NT5C3B: variants seen among roughly 807,000 people sequenced by gnomAD.
NT5C3B encodes 7-methylguanosine phosphate-specific 5'-nucleotidase.
NT5C3B carries 28 observed loss-of-function variants against 32.5 expected under a neutral mutation model. The observed-to-expected ratio is 0.86, with a 90% CI of 0.64 to 1.18. NT5C3B has a LOEUF of 1.18. NT5C3B is among the 50% of genes most tolerant of loss of function. NT5C3B has a pLI of 0.00. For missense variants in NT5C3B, 317 were observed against 322.0 expected (o/e 0.98, Z 0.12); for synonymous variants, 138 against 118.0 (o/e 1.17, Z -1.10).
chr17:41,834,977 A>G, intron 4 of NT5C3B, 93 bp downstream of exon 4: 1 of 1,242,086 alleles, frequency 8.1e-7, no homozygotes. Flanking sequence ...TTAATTTTCT[A>G]AGGTCTCTAT....
chr17:41,834,391 A>ACAC (rs1567863767), intron 4 of NT5C3B, among the ~76,000 whole-genome samples: 3 of 39,212 alleles, frequency 7.7e-5, no homozygotes, highest in African/African-American at 1.7e-4. Context: ...CAAAAAAAAA[A>ACAC]ATACACACAC....
rs782427515 is a variant in NT5C3B, at chr17:41,830,801, C to T, written c.404G>A (p.Arg135Lys). The T allele has an allele frequency of 6.3e-7, 1 of 1,589,170 alleles. No homozygotes were observed. Residue 135 changes from arginine to lysine, a missense_variant and splice_region_variant, in exon 6 of 9, where the codon AGG (arginine) becomes AAG (lysine). Arg to Lys is a conservative substitution (Grantham distance 26). Coordinates refer to ENST00000435506, the MANE Select transcript of NT5C3B (RefSeq NM_052935.5). The part of the protein sequence containing the change: ...QVVRESNAML[R>K]EGYKTFFNTL... ...ATGTTTTCCAGAGCAAGACGCTTAC[C>T]TGAGCATTGCATTGGACTCTCTAAC...
Position 41,834,936 on chromosome 17 carries a change from C to A in NT5C3B, c.228+134G>T, listed in dbSNP as rs532379680. On this transcript the variant is annotated intron_variant, in intron 4 of 8. Coordinates refer to ENST00000435506, the MANE Select transcript of NT5C3B (RefSeq NM_052935.5). ...CTGTCTTAATGTATTAAAACTAGACCCTCCTTAGCAAAACAACAAGTTTTT... is the reference window on the plus strand; with the variant it reads ...CTGTCTTAATGTATTAAAACTAGACACTCCTTAGCAAAACAACAAGTTTTT... 6 of 824,240 alleles carry A rather than the reference C, an allele frequency of 7.3e-6. No individual in the cohort carries two copies. The East Asian group carries it at 7.6e-5, about 10-fold the overall frequency. The allele number at this position is 824,240 out of a possible 1,614,324, so 51.1% of individuals were successfully genotyped here.
At position 41,835,187 on chromosome 17, in the gene NT5C3B, C is replaced by T. The variant is rs1555619671; in HGVS notation, c.181+16G>A. The T allele has an allele frequency of 6.2e-7, 1 of 1,613,794 alleles. No homozygotes were observed. The highest frequency in any genetic ancestry group is 1.1e-5 in the South Asian group (1 of 91,076). ...GTCTTGTCAAGCTCAACAAGGGAAG[C>T]TAGAATGTGACTTACTGTAAGAAGA... On this transcript the variant is annotated intron_variant, in intron 3 of 8. Coordinates refer to ENST00000435506, the MANE Select transcript of NT5C3B (RefSeq NM_052935.5).
At position 41,828,859 on chromosome 17, in the gene NT5C3B, A is replaced by T. The variant is rs1555618615; in HGVS notation, c.498T>A (p.Ile166=). 1.2e-6 allele frequency: 2 copies of T among 1,614,012 alleles called. No homozygotes were observed. The highest frequency in any genetic ancestry group is 1.7e-6 in the Non-Finnish European group (2 of 1,179,874). The stretch of plus-strand genomic sequence containing the variant: ...GGTGGAACACTTTCATCTGTCGGAT[A>T]ATTTCTTCCAGGATATCACCAATGC... The part of the protein sequence containing the change: ...SAGIGDILEE[I]IRQMKVFHPN... The change falls in exon 7 of 9, where the codon ATT becomes ATA. Residue 166 remains isoleucine (I), a synonymous_variant. Transcript: ENST00000435506.
chr17:41,829,017 G>C (rs1555618672), intron 6 of NT5C3B, 65 bp from the exon 7 acceptor site: 2 of 1,501,222 alleles, frequency 1.3e-6, no homozygotes, highest in African/African-American at 1.4e-5. Flanking sequence ...TTTCCTATTT[G>C]GGTTGTTTTT....
intron 4 of NT5C3B, among the ~76,000 whole-genome samples, chr17:41,833,319 C>A (rs1490187590): frequency 6.7e-6 from 1 of 148,460 alleles, no homozygotes; most frequent in Non-Finnish European, 1.5e-5. Context: ...TTTTCATGTA[C>A]AATTTTTTTT....
chr17:41,829,126 A>T (rs1555618696), intron 6 of NT5C3B, among the ~76,000 whole-genome samples, 174 bp from the exon 7 acceptor site: 1 of 151,880 alleles, frequency 6.6e-6, no homozygotes. Flanking sequence ...AGTTCAAGTG[A>T]TCCACCCGCC....
At chr17:41,834,871 C>T (rs1189777572) in intron 4 of NT5C3B, among the ~76,000 whole-genome samples, 199 bp downstream of exon 4, 1 of 152,232 alleles carries the variant, frequency 6.6e-6, no homozygotes, top group Non-Finnish European at 1.5e-5. Flanking sequence ...TGTCCAGTTC[C>T]AACCATTAAT....
Position 41,827,571 on chromosome 17 carries a change from G to C in NT5C3B, c.623C>G (p.Ser208Cys), listed in dbSNP as rs782816475. ...QLIHTYNKNS[S>C]ACENSGYFQQ... Reference sequence around the variant, plus strand: ...GAAGTAACCAGAGTTCTCACACGCAGAGCTGTTCTTGTTGTATGTGTGTAT... The same window carrying C: ...GAAGTAACCAGAGTTCTCACACGCACAGCTGTTCTTGTTGTATGTGTGTAT... The change falls in exon 8 of 9, where the codon TCT becomes TGT. Residue 208 changes from serine to cysteine, a missense_variant. Ser to Cys is a moderately radical substitution (Grantham distance 112). Transcript: ENST00000435506. 3.5e-6 allele frequency: 3 copies of C among 868,638 alleles called. No homozygotes were observed. The highest frequency in any genetic ancestry group is 1.3e-5 in the South Asian group (1 of 76,418). The allele number at this position is 868,638 out of a possible 1,614,324, so 53.8% of individuals were successfully genotyped here.
Position 41,836,206 on chromosome 17 carries a change from C to T in NT5C3B, c.-13G>A. ...CCTCCTCTGCCATCCCGTTCGAGGC[C>T]TGGTCGGCGGCTCGCGGGACAACGA... On this transcript the variant is annotated 5_prime_UTR_variant, in exon 1 of 9. Transcript: ENST00000435506. 3 of 1,244,334 alleles carry T rather than the reference C, an allele frequency of 2.4e-6. No homozygotes were observed. The highest frequency in any genetic ancestry group is 3.0e-6 in the Non-Finnish European group (3 of 996,202). The allele number at this position is 1,244,334 out of a possible 1,614,324, so 77.1% of individuals were successfully genotyped here. A position where few individuals can be genotyped will look rare whatever the true frequency, so the allele number is the denominator to read the frequency against.
chr17:41,833,058 A>G (rs1185898781), intron 4 of NT5C3B, among the ~76,000 whole-genome samples: 3 of 152,208 alleles, frequency 2.0e-5, no homozygotes, highest in Admixed American at 6.6e-5. Flanking sequence ...GGATCCACAG[A>G]GCTGGTCATT....
At chr17:41,828,667 G>A in intron 7 of NT5C3B, 123 bp downstream of exon 7, 1 of 904,876 alleles carries the variant, frequency 1.1e-6, no homozygotes, top group Non-Finnish European at 1.7e-6. Flanking sequence ...CTGCCTGAGG[G>A]TGAAGAAGCT....
chr17:41,835,701 G>T, intron 2 of NT5C3B, 158 bp downstream of exon 2: 1 of 796,310 alleles, frequency 1.3e-6, no homozygotes, highest in Non-Finnish European at 2.1e-6. Context: ...TGGGTTTTAG[G>T]ACAGGCGAAC....
At chr17:41,827,197 T>C (rs2047981391) in intron 8 of NT5C3B, among the ~76,000 whole-genome samples, 1 of 151,648 alleles carries the variant, frequency 6.6e-6, no homozygotes, top group Admixed American at 6.6e-5. Context: ...TCCCAGCTAC[T>C]TGGGAGCCAG....
intron 7 of NT5C3B, chr17:41,828,331 G>C (rs575003129): frequency 1.3e-5 from 2 of 155,850 alleles, no homozygotes; most frequent in Non-Finnish European, 2.8e-5. Flanking sequence ...TCCTTTGAAA[G>C]TTTTTTTGTT....
At position 41,835,206 on chromosome 17, in the gene NT5C3B, A is replaced by C. The variant is rs899371626; in HGVS notation, c.178T>G (p.Tyr60Asp). The C allele has an allele frequency of 9.9e-6, 16 of 1,613,900 alleles. No individual in the cohort carries two copies. Among genetic ancestry groups the C allele is most frequent in the Non-Finnish European group, 1.4e-5 (16 of 1,179,896 alleles). Reference sequence around the variant, plus strand: ...GGGAAGCTAGAATGTGACTTACTGTAAGAAGAAGGGCATCGCTTTCCATTA... The same window carrying C: ...GGGAAGCTAGAATGTGACTTACTGTCAGAAGAAGGGCATCGCTTTCCATTA... ...AYNGKRCPSS[Y>D]NILDNSKIIS... The change falls in exon 3 of 9, where the codon TAC (tyrosine) becomes GAC (aspartate). Residue 60 changes from tyrosine to aspartate, a missense_variant. Transcript: ENST00000435506.
intron 7 of NT5C3B, 123 bp from the exon 8 acceptor site, chr17:41,827,749 C>G: frequency 1.5e-6 from 1 of 649,006 alleles, no homozygotes; most frequent in Non-Finnish European, 2.8e-6. Flanking sequence ...CAAAACTTCA[C>G]TGTAGCCTAA....
chr17:41,831,229 G>A (rs1444152350), intron 5 of NT5C3B, among the ~76,000 whole-genome samples: 6 of 150,528 alleles, frequency 4.0e-5, no homozygotes, highest in African/African-American at 1.5e-4. Flanking sequence ...TGAGGCTGGA[G>A]AATCACTTGA....
Sources: allele counts gnomAD v4.1 joint callset (sites outside exome capture counted in the v4.1 genomes callset), GRCh38; gene constraint gnomAD v4.1.1; transcripts MANE v1.5; gene names NCBI Gene and HGNC (gene_info 2026-07-23, HGNC 2026-07-21).